Variants in VCL observed in about 807,000 individuals in gnomAD.
VCL encodes vinculin.
A neutral mutation model predicts 125.7 loss-of-function variants in VCL; 47 were observed. The ratio of observed to expected loss-of-function variants is 0.37; its 90% CI spans 0.30 to 0.48. VCL has a LOEUF of 0.48. VCL is among the 20% of genes least tolerant of loss of function. The probability of loss-of-function intolerance (pLI) is 0.99; values close to 1 mark genes in which losing one functional copy is unlikely to be tolerated. For missense variants in VCL, 1,069 were observed against 1,455.5 expected, an observed-to-expected ratio of 0.73 and a Z score of 4.32; for synonymous variants, 458 against 514.6, an observed-to-expected ratio of 0.89 and a Z score of 1.49.
chr10:74,109,072 G>A lies in VCL; in HGVS notation c.2661G>A (p.Glu887=). The change falls in exon 18 of 22, where the codon GAG becomes GAA. Residue 887 remains glutamate, a synonymous_variant. Coordinates refer to ENST00000211998, the MANE Select transcript of VCL (RefSeq NM_014000.3). ...AGGAAAAGGATGAAGAGTTCCCTGA[G>A]CAGAAGGCCGGGGAGGTGATTAACC... is the stretch of plus-strand genomic sequence containing the variant. ...PPEEKDEEFP[E]QKAGEVINQP... 2 of 1,614,174 alleles carry A rather than the reference G, an allele frequency of 1.2e-6. No homozygotes were observed. Among genetic ancestry groups the A allele is most frequent in the Non-Finnish European group, 1.7e-6 (2 of 1,180,034 alleles).
At chr10:74,064,670 A>T (rs897384165) in intron 2 of VCL, among the ~76,000 whole-genome samples, 6 of 152,192 alleles carry the variant, frequency 3.9e-5, no homozygotes, top group African/African-American at 1.4e-4. Flanking sequence ...GGGCTTCCAA[A>T]GTACTGGGAT....
In VCL at chr10:74,097,473, T is replaced by G; in HGVS notation, c.1872+141T>G. ...TGGAAGAGCAGAACAGGGAAAGCCC[T>G]ACCACCTCTACTTTTAGTCTCCACG... On this transcript the variant is annotated intron_variant, in intron 13 of 21. Transcript: ENST00000211998. This position sits in a 1 kb window ranked among gnomAD's most constrained non-coding sequence, Gnocchi z 4.1. 8.1e-7 allele frequency: 1 copy of G among 1,229,770 alleles called. No individual in the cohort carries two copies. The allele number at this position is 1,229,770 out of a possible 1,614,324, so 76.2% of individuals were successfully genotyped here.
chr10:74,092,148 T>G (rs1245860113), intron 10 of VCL, among the ~76,000 whole-genome samples: 1 of 152,076 alleles, frequency 6.6e-6, no homozygotes, highest in Non-Finnish European at 1.5e-5. Flanking sequence ...GACCTCGTGA[T>G]CCACCCACCT....
At chr10:74,057,977 C>A (rs1476746577) in intron 2 of VCL, among the ~76,000 whole-genome samples, 1 of 152,146 alleles carries the variant, frequency 6.6e-6, no homozygotes, top group South Asian at 2.1e-4. Flanking sequence ...TTTTATGAAC[C>A]TGTTTTGGCA....
In VCL at chr10:74,054,640, G is replaced by A. The variant is rs370388929; in HGVS notation, c.239+11487G>A. On this transcript the variant is annotated intron_variant, in intron 2 of 21. Transcript: ENST00000211998. ...TTAAGTAATAATAGTGAAATTTTAG[G>A]CTGGGCGTGGTGGCTCACGCCTTTA... Among the ~76,000 whole-genome samples, 11 of 152,202 alleles carry A rather than the reference G, an allele frequency of 7.2e-5. No individual in the cohort carries two copies. In the East Asian group the frequency reaches 1.7e-3, roughly 24 times the overall value.
chr10:74,118,429 G>A lies in VCL; in HGVS notation c.*260G>A, dbSNP rs1840344658. 2.0e-6 allele frequency: 1 copy of A among 491,876 alleles called. No homozygotes were observed. The highest frequency in any genetic ancestry group is 3.2e-5 in the Admixed American group (1 of 31,104). 30.5% of individuals were successfully genotyped at this position (491,876 alleles called of 1,614,324 possible). Reference sequence around the variant, plus strand: ...ACCCTCTATCCCAATAGGCAGACTGGGTTTCTAGCCCATGGACTTCACATA... The same window carrying A: ...ACCCTCTATCCCAATAGGCAGACTGAGTTTCTAGCCCATGGACTTCACATA... On this transcript the variant is annotated 3_prime_UTR_variant, in exon 22 of 22. Transcript: ENST00000211998.
intron 8 of VCL, among the ~76,000 whole-genome samples, chr10:74,084,206 T>G (rs1167750838): frequency 3.9e-5 from 6 of 152,138 alleles, no homozygotes; most frequent in Non-Finnish European, 8.8e-5. Flanking sequence ...GATGGGGTTT[T>G]GCCAGGTTGG....
At chr10:74,022,850 A>G (rs1451623640) in intron 1 of VCL, among the ~76,000 whole-genome samples, 2 of 152,086 alleles carry the variant, frequency 1.3e-5, no homozygotes, top group Non-Finnish European at 2.9e-5. Context: ...CATGTTGGCC[A>G]GGCTGGTCTT....
chr10:74,084,323 G>A (rs1456132446), intron 8 of VCL, among the ~76,000 whole-genome samples: 3 of 151,332 alleles, frequency 2.0e-5, no homozygotes, highest in Admixed American at 1.3e-4. Flanking sequence ...ACGGAGTCTC[G>A]CTCTGTCACC....
intron 19 of VCL, among the ~76,000 whole-genome samples, 188 bp from the exon 20 acceptor site, chr10:74,113,996 C>T (rs1431889361): frequency 2.0e-5 from 3 of 152,108 alleles, no homozygotes; most frequent in Non-Finnish European, 2.9e-5. Flanking sequence ...GGCGAGTGCC[C>T]TGTCTCATTC....
At chr10:74,043,198 C>A in intron 2 of VCL, 45 bp downstream of exon 2, 1 of 1,531,550 alleles carries the variant, frequency 6.5e-7, no homozygotes, top group Non-Finnish European at 9.0e-7. Context: ...GAATAATACT[C>A]TTGTTAGGAA....
chr10:74,040,631 G>A (rs574677650), intron 1 of VCL, among the ~76,000 whole-genome samples: 1 of 152,314 alleles, frequency 6.6e-6, no homozygotes, highest in African/African-American at 2.4e-5. Flanking sequence ...ATTCTGTCAT[G>A]TTTTGAGCTG....
chr10:74,006,727 T>G (rs891017945), intron 1 of VCL, among the ~76,000 whole-genome samples: 2 of 152,182 alleles, frequency 1.3e-5, no homozygotes, highest in Non-Finnish European at 2.9e-5. Context: ...TTATGTAAAA[T>G]TACCTTCATG....
Position 74,083,430 on chromosome 10 carries a change from T to G in VCL, c.939T>G (p.Cys313Trp). Residue 313 changes from cysteine (C) to tryptophan (W), a missense_variant, in exon 8 of 22, where the codon TGT becomes TGG. Transcript: ENST00000211998. ...LDEAGKVGEL[C>W]AGKERREILG... ...AAGCTGGAAAAGTTGGTGAACTCTG[T>G]GCAGGCAAAGAACGCAGGGAGATTC... 8 of 1,614,160 alleles carry G rather than the reference T, an allele frequency of 5.0e-6. No individual in the cohort carries two copies. Among genetic ancestry groups the G allele is most frequent in the Non-Finnish European group, 6.8e-6 (8 of 1,179,996 alleles).
rs1222243476 is a variant in VCL, at chr10:74,097,440, A to T, written c.1872+108A>T. On this transcript the variant is annotated intron_variant, in intron 13 of 21. Transcript: ENST00000211998. The surrounding 1 kb of genome is among the most constrained non-coding windows in gnomAD (Gnocchi z 4.1). ...AGGATCAGTGGTTGGGAAACTGTAG[A>T]TGAAGGGTGGAAGAGCAGAACAGGG... is the stretch of plus-strand genomic sequence containing the variant. 3 of 1,526,572 alleles carry T rather than the reference A, an allele frequency of 2.0e-6. No individual in the cohort carries two copies. In the African/African-American group the frequency reaches 4.1e-5, roughly 21 times the overall value. 94.6% of individuals were successfully genotyped at this position (1,526,572 alleles called of 1,614,324 possible). A position where few individuals can be genotyped will look rare whatever the true frequency, so the allele number is the denominator to read the frequency against.
chr10:74,062,167 G>A (rs1311497038), intron 2 of VCL, among the ~76,000 whole-genome samples: 1 of 152,018 alleles, frequency 6.6e-6, no homozygotes, highest in Admixed American at 6.5e-5. Context: ...CTGGGTTTAG[G>A]TGATCCAGCC....
Position 74,072,774 on chromosome 10 carries a change from C to A in VCL, c.544C>A (p.Leu182Ile), listed in dbSNP as rs1230135180. ...GATGATTGACGAGAGACAGCAGGAG[C>A]TCACTCACCAGGAGCACCGAGTGAT... ...AKMIDERQQELTHQEHRVMLV... is the reference protein window; with the variant it reads ...AKMIDERQQEITHQEHRVMLV... The change falls in exon 5 of 22, where the codon CTC (leucine) becomes ATC (isoleucine). Residue 182 changes from leucine to isoleucine, a missense_variant. Leu to Ile is a conservative substitution (Grantham distance 5). This residue lies in a region of VCL where 760 missense variants were observed against 928.9 expected (regional missense o/e 0.82). Transcript: ENST00000211998. The A allele has an allele frequency of 6.2e-7, 1 of 1,614,106 alleles. No homozygotes were observed. The highest frequency in any genetic ancestry group is 2.2e-5 in the East Asian group (1 of 44,870).
chr10:74,052,839 A>T (rs1165691608), intron 2 of VCL, among the ~76,000 whole-genome samples: 2 of 142,950 alleles, frequency 1.4e-5, no homozygotes, highest in South Asian at 2.2e-4. Context: ...TTTATCCTTT[A>T]CTCTGTTGAG....
At chr10:74,079,283 A>G (rs1470764097) in intron 6 of VCL, among the ~76,000 whole-genome samples, 1 of 152,148 alleles carries the variant, frequency 6.6e-6, no homozygotes, top group South Asian at 2.1e-4. Context: ...AAGCCACATG[A>G]CTAGACCTGG....
Sources: gnomAD v4.1 joint callset for allele counts (sites outside exome capture counted in the v4.1 genomes callset) on GRCh38, gnomAD v4.1.1 for gene constraint, gnomAD v4.1.1 regional missense constraint, Gnocchi (gnomAD v3.1) non-coding constraint, MANE v1.5 for transcripts, NCBI Gene and HGNC (gene_info 2026-07-23, HGNC 2026-07-21) for gene names.